HIPK1: variants seen among roughly 807,000 people sequenced by gnomAD.
HIPK1 encodes homeodomain interacting protein kinase 1, also known as homeodomain-interacting protein kinase 1.
A neutral mutation model predicts 117.1 loss-of-function variants in HIPK1; 28 were observed. The ratio of observed to expected loss-of-function variants is 0.24; its 90% CI spans 0.18 to 0.33. HIPK1 has a LOEUF of 0.33. Among genes scored for constraint, HIPK1 ranks in the 10% least tolerant of loss-of-function variants. The pLI is 1.00. For missense variants in HIPK1, 1,122 were observed against 1,475.1 expected (o/e 0.76, Z 3.92); for synonymous variants, 605 against 562.5 (o/e 1.08, Z -1.07).
intron 10 of HIPK1, among the ~76,000 whole-genome samples, 177 bp downstream of exon 10, chr1:113,963,698 A>G (rs1012944792): frequency 1.2e-4 from 18 of 152,164 alleles, no homozygotes; most frequent in Admixed American, 9.8e-4. Flanking sequence ...TGTTCTTGCT[A>G]CATCTTTTAA....
At chr1:113,963,764 T>C (rs1672277900) in intron 10 of HIPK1, among the ~76,000 whole-genome samples, 1 of 152,238 alleles carries the variant, frequency 6.6e-6, no homozygotes, top group Admixed American at 6.5e-5. Flanking sequence ...CTGATGGTTA[T>C]GTGGCTCTGT....
At chr1:113,964,588 T>G (rs1672329412) in intron 10 of HIPK1, among the ~76,000 whole-genome samples, 1 of 152,262 alleles carries the variant, frequency 6.6e-6, no homozygotes, top group African/African-American at 2.4e-5. Flanking sequence ...TTAAATTTCT[T>G]TTGTTGTTTC....
At chr1:113,967,102 A>T (rs1672503350) in intron 11 of HIPK1, among the ~76,000 whole-genome samples, 1 of 152,196 alleles carries the variant, frequency 6.6e-6, no homozygotes, top group African/African-American at 2.4e-5. Context: ...CATTGTGTAT[A>T]TGTACCATAT....
chr1:113,956,806 C>G lies in HIPK1; in HGVS notation c.1587C>G (p.Ser529Arg), dbSNP rs572362530. The G allele has an allele frequency of 6.2e-7, 1 of 1,613,584 alleles. No homozygotes were observed. The highest frequency in any genetic ancestry group is 8.5e-7 in the Non-Finnish European group (1 of 1,179,598). Residue 529 changes from serine to arginine, a missense_variant, in exon 6 of 16, where the codon AGC (serine) becomes AGG (arginine). Physicochemically the swap from Ser to Arg is moderately radical, Grantham distance 110. Coordinates refer to ENST00000426820, the MANE Select transcript of HIPK1 (RefSeq NM_198268.3). ...TMTHLLDFPH[S>R]NHVKSCFQNM... ...CTCACCTTTTGGATTTTCCACATAGCAATCAGTGAGTATGGAATATTCTGG... is the reference window on the plus strand; with the variant it reads ...CTCACCTTTTGGATTTTCCACATAGGAATCAGTGAGTATGGAATATTCTGG...
rs878921732 is a variant in HIPK1 at position 113,941,482 on chromosome 1, C to T, written c.1076+23C>T. On this transcript the variant is annotated intron_variant, in intron 2 of 15. Coordinates refer to ENST00000426820, the MANE Select transcript of HIPK1 (RefSeq NM_198268.3). The surrounding 1 kb of genome is among the most constrained non-coding windows in gnomAD (Gnocchi z 4.9). ...CAGGCAAGTGGCAAATGCTGAAAAT[C>T]GTATCTTAGGCTAGAGTTCTGTCCT... 2 of 1,574,954 alleles carry T rather than the reference C, an allele frequency of 1.3e-6. No homozygotes were observed. Among genetic ancestry groups the T allele is most frequent in the Non-Finnish European group, 1.7e-6 (2 of 1,150,286 alleles).
intron 15 of HIPK1, among the ~76,000 whole-genome samples, chr1:113,972,371 T>C (rs1247853888): frequency 2.0e-5 from 3 of 152,216 alleles, no homozygotes; most frequent in Admixed American, 6.5e-5. Context: ...ATTCAACTGG[T>C]TCTAGGTCCT....
At chr1:113,968,298 C>T (rs936872451) in intron 12 of HIPK1, 144 bp from the exon 13 acceptor site, 15 of 670,512 alleles carry the variant, frequency 2.2e-5, no homozygotes, top group Non-Finnish European at 4.0e-5. Flanking sequence ...CTTATTTTCA[C>T]TGGAACTTAT....
chr1:113,959,622 T>C (rs1671963798), intron 8 of HIPK1, among the ~76,000 whole-genome samples: 1 of 152,188 alleles, frequency 6.6e-6, no homozygotes, highest in African/African-American at 2.4e-5. Context: ...AGAAGAACTT[T>C]TGAGTTCCTT....
At position 113,967,784 on chromosome 1, in the gene HIPK1, C is replaced by T. The variant is rs1433224224; in HGVS notation, c.2400C>T (p.Gly800=). 1 of 1,537,720 alleles carries T rather than the reference C, an allele frequency of 6.5e-7. No individual in the cohort carries two copies. The highest frequency in any genetic ancestry group is 8.7e-7 in the Non-Finnish European group (1 of 1,145,762). The change falls in exon 12 of 16, where the codon GGC becomes GGT. Residue 800 remains glycine (G), a synonymous_variant. Transcript: ENST00000426820. ...GGTACAGGAATGCCCACTCTCATGG[C>T]AACCAGTACAGCACTATCATGCAGC... ...LADWRNAHSH[G]NQYSTIMQQP...
In HIPK1 at chr1:113,976,935, G is replaced by A. The variant is rs1161172715; in HGVS notation, c.*3423G>A. ...CATAGGGACACTTGGTCACTCCAGA[G>A]TTTTTAATAGCTCCCAGGAGGTGAT... On this transcript the variant is annotated 3_prime_UTR_variant, in exon 16 of 16. Coordinates refer to ENST00000426820, the MANE Select transcript of HIPK1 (RefSeq NM_198268.3). 6.5e-6 allele frequency: 1 copy of A among 152,744 alleles called. No individual in the cohort carries two copies. The highest frequency in any genetic ancestry group is 1.5e-5 in the Non-Finnish European group (1 of 68,034). The allele number at this position is 152,744 out of a possible 1,614,324, so 9.5% of individuals were successfully genotyped here.
chr1:113,959,962 G>A (rs1002235726), intron 8 of HIPK1, among the ~76,000 whole-genome samples: 3 of 152,100 alleles, frequency 2.0e-5, no homozygotes, highest in African/African-American at 7.2e-5. Context: ...TCCTTCATAT[G>A]CCCAAAGTCC....
At chr1:113,929,662 G>A (rs1003124421) in intron 1 of HIPK1, 130 bp downstream of exon 1, 3 of 937,678 alleles carry the variant, frequency 3.2e-6, no homozygotes, top group Middle Eastern at 4.6e-4. Context: ...GGGGCCCGGC[G>A]GTAGCCCCGG....
intron 1 of HIPK1, among the ~76,000 whole-genome samples, chr1:113,936,343 C>A (rs1670247763): frequency 6.6e-6 from 1 of 152,074 alleles, no homozygotes; most frequent in Admixed American, 6.6e-5. Context: ...AGAACTTGTA[C>A]TTTTTTCAGT....
rs148101188 is a variant in HIPK1 at position 113,973,080 on chromosome 1, C to A, written c.3201C>A (p.Pro1067=). The A allele has an allele frequency of 3.7e-5, 57 of 1,535,434 alleles. No individual in the cohort carries two copies. Among genetic ancestry groups the A allele is most frequent in the Non-Finnish European group, 4.6e-5 (53 of 1,141,226 alleles). Residue 1067 remains proline (P), a synonymous_variant, in exon 16 of 16, where the codon CCC becomes CCA. Transcript: ENST00000426820. ...TSQERSSNPA[P]RRQQAFVAPL... ...AGGAGAGAAGCAGCAACCCAGCCCC[C>A]CGCAGGCAGCAGGCGTTTGTGGCCC...
In HIPK1 at chr1:113,939,953, C is replaced by CT. The variant is rs543460905; in HGVS notation, c.-2-411dup. On this transcript the variant is annotated intron_variant, in intron 1 of 15. Transcript: ENST00000426820. ...TCTAGCTTTCTCATCATCCTGGTTA[C>CT]TTTTTTTTTTTTTTTTTTCAATTTT... 6.6e-3 allele frequency among the ~76,000 whole-genome samples: 829 copies of CT among 125,146 alleles called. 2 individuals carry two copies. The highest frequency in any genetic ancestry group is 0.018 in the South Asian group (69 of 3,846). The allele number at this position is 125,146 out of a possible 152,430, so 82.1% of individuals were successfully genotyped here. A position where few individuals can be genotyped will look rare whatever the true frequency, so the allele number is the denominator to read the frequency against.
At chr1:113,930,930 C>G (rs1669846859) in intron 1 of HIPK1, 1 of 152,230 alleles carries the variant, frequency 6.6e-6, no homozygotes, top group Non-Finnish European at 1.5e-5. Flanking sequence ...CCTAGATGCT[C>G]TTTCTTGTCT....
Position 113,976,613 on chromosome 1 carries a change from C to G in HIPK1, c.*3101C>G, listed in dbSNP as rs1344308435. ...CTTTAAAAACTAGAGATTTTTCAGT[C>G]TTAGTCTGCAAACTGGCATTTCCGA... On this transcript the variant is annotated 3_prime_UTR_variant, in exon 16 of 16. Coordinates refer to ENST00000426820, the MANE Select transcript of HIPK1 (RefSeq NM_198268.3). 6.5e-6 allele frequency: 1 copy of G among 152,808 alleles called. No individual in the cohort carries two copies. Among genetic ancestry groups the G allele is most frequent in the African/African-American group, 2.4e-5 (1 of 41,450 alleles). The allele number at this position is 152,808 out of a possible 1,614,324, so 9.5% of individuals were successfully genotyped here.
At chr1:113,968,239 C>G (rs1049300034) in intron 12 of HIPK1, among the ~76,000 whole-genome samples, 2 of 152,078 alleles carry the variant, frequency 1.3e-5, no homozygotes, top group African/African-American at 2.4e-5. Flanking sequence ...AGTAAAATGT[C>G]TTTTGTATTT....
rs1217141789 is a variant in HIPK1 at position 113,973,550 on chromosome 1, C to T, written c.*38C>T. ...AGGGAGGAGGAATCATGGCTACCTTCTCCTGGCCCTGCGTTCTTAATATTG... is the reference window on the plus strand; with the variant it reads ...AGGGAGGAGGAATCATGGCTACCTTTTCCTGGCCCTGCGTTCTTAATATTG... On this transcript the variant is annotated 3_prime_UTR_variant, in exon 16 of 16. Transcript: ENST00000426820. 6.5e-7 allele frequency: 1 copy of T among 1,541,144 alleles called. No homozygotes were observed. Among genetic ancestry groups the T allele is most frequent in the South Asian group, 1.3e-5 (1 of 79,098 alleles).
Sources: gnomAD v4.1 joint callset for allele counts (sites outside exome capture counted in the v4.1 genomes callset) on GRCh38, gnomAD v4.1.1 for gene constraint, Gnocchi (gnomAD v3.1) non-coding constraint, MANE v1.5 for transcripts, NCBI Gene and HGNC (gene_info 2026-07-23, HGNC 2026-07-21) for gene names.